The following NTN1 variants were observed in gnomAD, a reference collection of about 807,000 sequenced individuals.
NTN1 encodes netrin 1.
A neutral mutation model predicts 54.2 loss-of-function variants in NTN1; 11 were observed. The observed-to-expected ratio is 0.20, with a 90% CI of 0.13 to 0.34. The LOEUF (loss-of-function observed/expected upper bound fraction) is 0.34, where lower values mean the gene tolerates loss of function less well. Among genes scored for constraint, NTN1 ranks in the 10% least tolerant of loss-of-function variants. NTN1 has a pLI of 1.00. For missense variants in NTN1, 740 were observed against 893.1 expected (o/e 0.83, Z 2.18); for synonymous variants, 371 against 382.0 (o/e 0.97, Z 0.33).
chr17:9,149,264 C>G (rs1052457283), intron 2 of NTN1, among the ~76,000 whole-genome samples: 2 of 149,210 alleles, frequency 1.3e-5, no homozygotes, highest in Non-Finnish European at 1.5e-5. Flanking sequence ...CCCCCCCACA[C>G]CCCCACACAC....
At chr17:9,118,448 T>G (rs8066668) in intron 2 of NTN1, among the ~76,000 whole-genome samples, 72,804 of 151,824 alleles carry the variant, frequency 0.48, 17,917 homozygotes, top group African/African-American at 0.57. Context: ...AACCCAGGAG[T>G]TTGCAGTGAG....
chr17:9,054,956 A>T (rs537123096), intron 2 of NTN1, among the ~76,000 whole-genome samples: 1 of 152,334 alleles, frequency 6.6e-6, no homozygotes, highest in East Asian at 1.9e-4. Flanking sequence ...TTTAATGGAC[A>T]GTGTAAAAGT....
At chr17:9,174,288 A>T (rs954615701) in intron 3 of NTN1, 1 of 152,370 alleles carries the variant, frequency 6.6e-6, no homozygotes, top group Non-Finnish European at 1.5e-5. Context: ...TTCCACAGGG[A>T]GCCAGGGGAT....
At chr17:9,225,747 T>G (rs561439937) in intron 6 of NTN1, among the ~76,000 whole-genome samples, 46 of 150,132 alleles carry the variant, frequency 3.1e-4, no homozygotes, top group African/African-American at 1.0e-3. Flanking sequence ...AGGGGCTCCC[T>G]CGGAGGCTGC....
chr17:9,047,234 T>TTGCCACATCAACTCA lies in NTN1; in HGVS notation c.1018+23844_1018+23858dup, dbSNP rs2091944059. Among the ~76,000 whole-genome samples the TTGCCACATCAACTCA allele has an allele frequency of 2.0e-5, 3 of 152,330 alleles. No individual in the cohort carries two copies. In the East Asian group the frequency reaches 5.8e-4, roughly 29 times the overall value. ...TCTTAAAGTAAGACAGCAGTGCAGT[T>TTGCCACATCAACTCA]TGCCACATCAACTCACTCTTCCTTT... On this transcript the variant is annotated intron_variant, in intron 2 of 6. Transcript: ENST00000173229.
intron 2 of NTN1, among the ~76,000 whole-genome samples, chr17:9,048,683 G>A (rs1390267912): frequency 6.6e-6 from 1 of 151,392 alleles, no homozygotes; most frequent in African/African-American, 2.4e-5. Context: ...TTGAGACAGA[G>A]TCTTGCTCTG....
intron 3 of NTN1, among the ~76,000 whole-genome samples, chr17:9,167,445 T>A (rs188180601): frequency 5.3e-5 from 8 of 152,308 alleles, no homozygotes; most frequent in Non-Finnish European, 5.9e-5. Flanking sequence ...GAGTCTCCCG[T>A]GAACCGAATT....
chr17:9,234,631 C>T (rs892149017), intron 6 of NTN1, among the ~76,000 whole-genome samples: 2 of 152,048 alleles, frequency 1.3e-5, no homozygotes, highest in Non-Finnish European at 2.9e-5. Context: ...ACAGCAGAGC[C>T]CTGCCCTGAG....
intron 2 of NTN1, among the ~76,000 whole-genome samples, chr17:9,097,685 T>C (rs1451130318): frequency 6.6e-6 from 1 of 152,028 alleles, no homozygotes; most frequent in South Asian, 2.1e-4. Flanking sequence ...AATGAAGGTA[T>C]ATATTCATAT....
chr17:9,060,081 A>G (rs1282987112), intron 2 of NTN1, among the ~76,000 whole-genome samples: 2 of 152,134 alleles, frequency 1.3e-5, no homozygotes, highest in African/African-American at 4.8e-5. Context: ...ATACATAATG[A>G]TAAGCGTACA....
intron 5 of NTN1, among the ~76,000 whole-genome samples, chr17:9,194,064 C>T (rs777120469): frequency 4.0e-5 from 6 of 151,734 alleles, no homozygotes; most frequent in Non-Finnish European, 8.8e-5. Flanking sequence ...AGTGAAACCC[C>T]ATCTCTACTA....
intron 2 of NTN1, among the ~76,000 whole-genome samples, chr17:9,116,004 C>T (rs971246355): frequency 6.6e-6 from 1 of 152,262 alleles, no homozygotes; most frequent in African/African-American, 2.4e-5. Flanking sequence ...TTCAACCTCT[C>T]TGCATTTGTT....
At chr17:9,227,468 AGT>A (rs1905618465) in intron 6 of NTN1, among the ~76,000 whole-genome samples, 2 of 135,986 alleles carry the variant, frequency 1.5e-5, no homozygotes, top group African/African-American at 6.2e-5. Flanking sequence ...TGTCACACAC[AGT>A]CACACACATA....
chr17:9,163,467 T>A (rs1181507010), intron 3 of NTN1, among the ~76,000 whole-genome samples: 1 of 118,228 alleles, frequency 8.5e-6, no homozygotes, highest in Non-Finnish European at 1.8e-5. Context: ...CGCCCCTCAC[T>A]CCCCCCCGAA....
chr17:9,226,500 G>GC (rs1567745049), intron 6 of NTN1, among the ~76,000 whole-genome samples: 1 of 33,824 alleles, frequency 3.0e-5, no homozygotes, highest in Non-Finnish European at 4.5e-5. Flanking sequence ...TCGTGGGGAG[G>GC]TGGTCTCGTG....
intron 3 of NTN1, among the ~76,000 whole-genome samples, chr17:9,172,168 GT>G (rs766003647): frequency 2.6e-4 from 40 of 152,188 alleles, no homozygotes; most frequent in South Asian, 8.3e-4. Flanking sequence ...GATTACAGAT[GT>G]GAGCCACTGC....
At chr17:9,093,851 G>A (rs149531402) in intron 2 of NTN1, among the ~76,000 whole-genome samples, 11,117 of 152,236 alleles carry the variant, frequency 0.073, 573 homozygotes, top group Middle Eastern at 0.15. Context: ...GCGGGCGCCT[G>A]TAGTCCCAGC....
chr17:9,006,337 C>T, the NTN1 span, among the ~76,000 whole-genome samples: 2 of 152,180 alleles, frequency 1.3e-5, no homozygotes, highest in Non-Finnish European at 2.9e-5. Flanking sequence ...CTTGGTTCAT[C>T]CCTTTGCTGC....
chr17:9,078,057 TATCCATCCATCCATCCATCCATCC>T (rs111350777), intron 2 of NTN1, among the ~76,000 whole-genome samples: 1 of 151,522 alleles, frequency 6.6e-6, no homozygotes, highest in African/African-American at 2.4e-5. Context: ...CCCATCCATC[TATCCATCCATCCATCCATCCATCC>T]ATCCATCCAT....
Sources: allele counts gnomAD v4.1 joint callset (sites outside exome capture counted in the v4.1 genomes callset), GRCh38; gene constraint gnomAD v4.1.1; transcripts MANE v1.5; gene names NCBI Gene and HGNC (gene_info 2026-07-23, HGNC 2026-07-21).